HHAT: variants seen among roughly 807,000 people sequenced by gnomAD.
HHAT encodes the protein protein-cysteine N-palmitoyltransferase HHAT.
A neutral mutation model predicts 70.8 loss-of-function variants in HHAT; 47 were observed. The observed-to-expected ratio is 0.66, with a 90% CI of 0.53 to 0.85. The LOEUF is 0.85. Ranked by LOEUF, HHAT falls within the 40% of genes least tolerant of loss-of-function variation. HHAT has a pLI of 0.00. For missense variants in HHAT, 609 were observed against 604.8 expected (o/e 1.01, Z -0.07); for synonymous variants, 228 against 247.6 (o/e 0.92, Z 0.74).
At chr1:210,624,572 G>C (rs1206331339) in intron 11 of HHAT, among the ~76,000 whole-genome samples, 1 of 152,130 alleles carries the variant, frequency 6.6e-6, no homozygotes, top group African/African-American at 2.4e-5. Flanking sequence ...GTGAATACTA[G>C]GGGCCAACCT....
chr1:210,646,158 G>T (rs1674017978), intron 11 of HHAT, among the ~76,000 whole-genome samples: 1 of 152,200 alleles, frequency 6.6e-6, no homozygotes, highest in Non-Finnish European at 1.5e-5. Flanking sequence ...AGTTTTTCAT[G>T]TAAGTAGTGG....
chr1:210,668,544 C>T (rs146068626), intron 11 of HHAT, among the ~76,000 whole-genome samples: 246 of 152,092 alleles, frequency 1.6e-3, no homozygotes, highest in Non-Finnish European at 2.6e-3. Flanking sequence ...TGCCTTTGCT[C>T]CTCCTTCGCC....
intron 9 of HHAT, among the ~76,000 whole-genome samples, chr1:210,551,019 A>G (rs2095523101): frequency 6.7e-6 from 1 of 148,828 alleles, no homozygotes; most frequent in African/African-American, 2.5e-5. Context: ...AAAGACTGAC[A>G]CAGAGCTAAA....
At chr1:210,574,203 T>A (rs536432054) in intron 9 of HHAT, among the ~76,000 whole-genome samples, 1 of 152,262 alleles carries the variant, frequency 6.6e-6, no homozygotes, top group Non-Finnish European at 1.5e-5. Context: ...AAGGGTGAGA[T>A]TGGCTGGGGA....
chr1:210,360,313 T>TG (rs539647654), intron 2 of HHAT, among the ~76,000 whole-genome samples: 120 of 151,828 alleles, frequency 7.9e-4, no homozygotes, highest in African/African-American at 2.0e-3. Context: ...TGTTTTTTTT[T>TG]TTTTGTTTTG....
intron 11 of HHAT, among the ~76,000 whole-genome samples, chr1:210,673,777 AT>A (rs1322080471): frequency 2.1e-3 from 81 of 39,302 alleles, no homozygotes; most frequent in African/African-American, 8.5e-3. Flanking sequence ...TTATTTATTT[AT>A]TTATTTATTT....
At chr1:210,384,563 C>A (rs1402750448) in intron 3 of HHAT, among the ~76,000 whole-genome samples, 2 of 152,142 alleles carry the variant, frequency 1.3e-5, no homozygotes, top group African/African-American at 4.8e-5. Flanking sequence ...TGGCTTGTGT[C>A]CACTTTGAGG....
At chr1:210,366,323 C>T (rs1306185346) in intron 3 of HHAT, among the ~76,000 whole-genome samples, 2 of 152,068 alleles carry the variant, frequency 1.3e-5, no homozygotes, top group South Asian at 4.1e-4. Context: ...CATTTCCTGC[C>T]CTAAGCCTTA....
At chr1:210,650,528 A>G (rs1057252589) in intron 11 of HHAT, among the ~76,000 whole-genome samples, 1 of 152,210 alleles carries the variant, frequency 6.6e-6, no homozygotes, top group Admixed American at 6.5e-5. Context: ...TCGGGAGCAT[A>G]GTCTGATTAT....
At chr1:210,458,217 C>T (rs1450395040) in intron 7 of HHAT, among the ~76,000 whole-genome samples, 2 of 152,048 alleles carry the variant, frequency 1.3e-5, no homozygotes, top group Admixed American at 1.3e-4. Flanking sequence ...TCTTTGCTTT[C>T]TAATATGATA....
intron 8 of HHAT, among the ~76,000 whole-genome samples, chr1:210,490,234 G>A (rs1443242768): frequency 1.3e-5 from 2 of 152,226 alleles, no homozygotes; most frequent in Non-Finnish European, 2.9e-5. Context: ...AAGTAATGGT[G>A]TAGAAGAGGG....
At chr1:210,564,579 T>A (rs1032220242) in intron 9 of HHAT, among the ~76,000 whole-genome samples, 1 of 152,192 alleles carries the variant, frequency 6.6e-6, no homozygotes, top group Non-Finnish European at 1.5e-5. Context: ...AAAAATGTCA[T>A]AGAGGACATA....
At chr1:210,588,735 T>C (rs777385293) in intron 10 of HHAT, 17 of 152,334 alleles carry the variant, frequency 1.1e-4, no homozygotes, top group Non-Finnish European at 2.3e-4. Flanking sequence ...TTATTAACTC[T>C]TAACTGCCCT....
intron 7 of HHAT, among the ~76,000 whole-genome samples, chr1:210,452,585 T>C (rs1050444914): frequency 1.3e-5 from 2 of 152,260 alleles, no homozygotes; most frequent in Non-Finnish European, 2.9e-5. Flanking sequence ...AGAACTGTTA[T>C]ATTCTTTTGA....
At chr1:210,567,146 G>A (rs1022150007) in intron 9 of HHAT, among the ~76,000 whole-genome samples, 37 of 152,284 alleles carry the variant, frequency 2.4e-4, no homozygotes, top group African/African-American at 8.7e-4. Flanking sequence ...GGGGTGTCAG[G>A]GAACTCTACC....
At chr1:210,570,371 A>C (rs550393576) in intron 9 of HHAT, among the ~76,000 whole-genome samples, 2 of 152,320 alleles carry the variant, frequency 1.3e-5, no homozygotes, top group South Asian at 4.1e-4. Flanking sequence ...AGAGCTGTGC[A>C]GCCCTGTGAG....
chr1:210,624,814 T>A (rs138719250), intron 11 of HHAT, among the ~76,000 whole-genome samples: 2 of 152,208 alleles, frequency 1.3e-5, no homozygotes, highest in East Asian at 3.8e-4. Context: ...ACTTGCTACA[T>A]CTTAAAAGAG....
intron 3 of HHAT, among the ~76,000 whole-genome samples, chr1:210,368,790 A>G (rs566720723): frequency 2.7e-5 from 4 of 149,764 alleles, no homozygotes; most frequent in Admixed American, 1.3e-4. Flanking sequence ...AGAATTACTG[A>G]TTCTTGGTCG....
chr1:210,584,422 G>A (rs1659974204), intron 9 of HHAT, among the ~76,000 whole-genome samples: 2 of 152,078 alleles, frequency 1.3e-5, no homozygotes, highest in South Asian at 2.1e-4. Context: ...TACAACACTG[G>A]TTACGTAAAG....
Sources: gnomAD v4.1 joint callset for allele counts (sites outside exome capture counted in the v4.1 genomes callset) on GRCh38, gnomAD v4.1.1 for gene constraint, MANE v1.5 for transcripts, NCBI Gene and HGNC (gene_info 2026-07-23, HGNC 2026-07-21) for gene names.